The following BRIP1 variants were observed in gnomAD, a reference collection of about 807,000 sequenced individuals.
The protein encoded by BRIP1 is BRCA1 interacting DNA helicase 1.
Under a neutral mutation model 119.7 loss-of-function variants are expected in BRIP1, and 88 were observed. The ratio of observed to expected loss-of-function variants is 0.74; its 90% CI spans 0.62 to 0.88. BRIP1 has a LOEUF of 0.88. Among genes scored for constraint, BRIP1 ranks in the 40% least tolerant of loss-of-function variants. BRIP1 has a pLI of 0.00. For synonymous variants in BRIP1, 443 were observed against 496.5 expected (o/e 0.89, Z 1.43); for missense variants, 1,259 against 1,455.4 (o/e 0.87, Z 2.20).
rs555682366 is a variant in BRIP1 at position 61,799,401 on chromosome 17, G to T, written c.1141-102C>A. The stretch of plus-strand genomic sequence containing the variant: ...AAAATTCACACTATAGGCCAATATT[G>T]CAAATGCAATTACATAAGCAACAGA... On this transcript the variant is annotated intron_variant, in intron 8 of 19. Coordinates refer to ENST00000259008, the MANE Select transcript of BRIP1 (RefSeq NM_032043.3). This position sits in a 1 kb window ranked among gnomAD's most constrained non-coding sequence, Gnocchi z 5.1. 2.6e-4 allele frequency: 224 copies of T among 872,984 alleles called. No individual in the cohort carries two copies. The highest frequency in any genetic ancestry group is 1.9e-4 in the Non-Finnish European group (109 of 574,842). The allele number at this position is 872,984 out of a possible 1,614,324, so 54.1% of individuals were successfully genotyped here.
At position 61,721,318 on chromosome 17, in the gene BRIP1, G is replaced by A. The variant is rs550975610; in HGVS notation, c.2380-5255C>T. On this transcript the variant is annotated intron_variant, in intron 16 of 19. Transcript: ENST00000259008. ...CGGAGTCTTGCTCTGTCACCAGGCCGGAGTGCAGTGGCGCGATCTTGGCTC... is the reference window on the plus strand; with the variant it reads ...CGGAGTCTTGCTCTGTCACCAGGCCAGAGTGCAGTGGCGCGATCTTGGCTC... Among the ~76,000 whole-genome samples the A allele has an allele frequency of 1.5e-4, 21 of 139,118 alleles. No individual in the cohort carries two copies. In the East Asian group the frequency reaches 3.7e-3, roughly 25 times the overall value. 91.3% of individuals were successfully genotyped at this position (139,118 alleles called of 152,430 possible). A position where few individuals can be genotyped will look rare whatever the true frequency, so the allele number is the denominator to read the frequency against.
intron 4 of BRIP1, among the ~76,000 whole-genome samples, chr17:61,850,257 C>A (rs2078798470): frequency 1.3e-5 from 2 of 151,974 alleles, no homozygotes; most frequent in Admixed American, 6.6e-5. Context: ...CATGTGCCAC[C>A]ACGCCTGGCT....
rs2061572359 is a variant in BRIP1, at chr17:61,699,113, T to C, written c.2493-5601A>G. Among the ~76,000 whole-genome samples, 1 of 152,200 alleles carries C rather than the reference T, an allele frequency of 6.6e-6. No individual in the cohort carries two copies. The highest frequency in any genetic ancestry group is 2.4e-5 in the African/African-American group (1 of 41,466). On this transcript the variant is annotated intron_variant, in intron 17 of 19. Coordinates refer to ENST00000259008, the MANE Select transcript of BRIP1 (RefSeq NM_032043.3). The surrounding 1 kb of genome is among the most constrained non-coding windows in gnomAD (Gnocchi z 4.8). ...AAACCAGCTCTCTTTTGTTTACTAT[T>C]TGCATGGTATGTCTTTTCCCATCAT... is the stretch of plus-strand genomic sequence containing the variant.
Position 61,832,759 on chromosome 17 carries a change from C to T in BRIP1, c.627+14342G>A, listed in dbSNP as rs552169817. ...CTGGATTCTTTTGCTTTTATAAAAG[C>T]GTTATTAAGACAACTGCTAAAATTT... is the stretch of plus-strand genomic sequence containing the variant. On this transcript the variant is annotated intron_variant, in intron 6 of 19. Coordinates refer to ENST00000259008, the MANE Select transcript of BRIP1 (RefSeq NM_032043.3). The surrounding 1 kb of genome is among the most constrained non-coding windows in gnomAD (Gnocchi z 5.5). 6.6e-6 allele frequency among the ~76,000 whole-genome samples: 1 copy of T among 152,170 alleles called. No individual in the cohort carries two copies. Among genetic ancestry groups the T allele is most frequent in the East Asian group, 1.9e-4 (1 of 5,180 alleles).
chr17:61,684,097 A>C lies in BRIP1; in HGVS notation c.2949T>G (p.Ile983Met), dbSNP rs746715917. 1 of 1,613,580 alleles carries C rather than the reference A, an allele frequency of 6.2e-7. No homozygotes were observed. Among genetic ancestry groups the C allele is most frequent in the Non-Finnish European group, 8.5e-7 (1 of 1,179,844 alleles). The change falls in exon 20 of 20, where the codon ATT (isoleucine) becomes ATG (methionine). Residue 983 changes from isoleucine to methionine, a missense_variant. Coordinates refer to ENST00000259008, the MANE Select transcript of BRIP1 (RefSeq NM_032043.3). The surrounding 1 kb of genome is among the most constrained non-coding windows in gnomAD (Gnocchi z 4.5). ...FLEEAGKAEK[I>M]VISRSTSPTF... Reference sequence around the variant, plus strand: ...TTGGGCTTGTGGATCTGGAAATCACAATTTTTTCTGCTTTCCCTGCTTCTT... The same window carrying C: ...TTGGGCTTGTGGATCTGGAAATCACCATTTTTTCTGCTTTCCCTGCTTCTT...
At chr17:61,707,031 A>AT (rs202244837) in intron 17 of BRIP1, among the ~76,000 whole-genome samples, 28 of 148,676 alleles carry the variant, frequency 1.9e-4, no homozygotes, top group East Asian at 3.9e-4. Flanking sequence ...TCCTTTTTAA[A>AT]TTTTTTTTTT....
chr17:61,851,633 C>A lies in BRIP1; in HGVS notation c.380-2377G>T, dbSNP rs2078823882. On this transcript the variant is annotated intron_variant, in intron 4 of 19. Transcript: ENST00000259008. This position sits in a 1 kb window ranked among gnomAD's most constrained non-coding sequence, Gnocchi z 4.6. ...TTATATGAGTCTATCACTGTGCTAA[C>A]CTCAGTCTGTCTTAATTACTCTATA... Among the ~76,000 whole-genome samples, 1 of 152,138 alleles carries A rather than the reference C, an allele frequency of 6.6e-6. No individual in the cohort carries two copies.
chr17:61,819,411 G>A (rs543238316), intron 6 of BRIP1, among the ~76,000 whole-genome samples: 17 of 152,192 alleles, frequency 1.1e-4, no homozygotes, highest in Non-Finnish European at 2.4e-4. Context: ...TCAGTATATC[G>A]AGGAGATATC....
chr17:61,808,646 A>G lies in BRIP1; in HGVS notation c.739T>C (p.Tyr247His). 1 of 1,613,946 alleles carries G rather than the reference A, an allele frequency of 6.2e-7. No individual in the cohort carries two copies. Among genetic ancestry groups the G allele is most frequent in the South Asian group, 1.1e-5 (1 of 91,082 alleles). Reference protein sequence around the residue: ...HTGKSKIPKIYFGTRTHKQIA... With the variant: ...HTGKSKIPKIHFGTRTHKQIA... ...TGCTTGTGTGTGCGTGTCCCAAAAT[A>G]TATTTTGGGTATCTTGGATTTCCCT... The change falls in exon 7 of 20, where the codon TAT becomes CAT. Residue 247 changes from tyrosine (Y) to histidine (H), a missense_variant. Tyr to His is a moderately conservative substitution (Grantham distance 83). This residue lies in a region of BRIP1 where 501 missense variants were observed against 544.0 expected (regional missense o/e 0.92). Coordinates refer to ENST00000259008, the MANE Select transcript of BRIP1 (RefSeq NM_032043.3). This position sits in a 1 kb window ranked among gnomAD's most constrained non-coding sequence, Gnocchi z 4.1.
At position 61,815,712 on chromosome 17, in the gene BRIP1, T is replaced by C. The variant is rs994430275; in HGVS notation, c.628-6955A>G. 6.6e-6 allele frequency among the ~76,000 whole-genome samples: 1 copy of C among 152,186 alleles called. No individual in the cohort carries two copies. The highest frequency in any genetic ancestry group is 1.5e-5 in the Non-Finnish European group (1 of 68,018). On this transcript the variant is annotated intron_variant, in intron 6 of 19. Coordinates refer to ENST00000259008, the MANE Select transcript of BRIP1 (RefSeq NM_032043.3). The surrounding 1 kb of genome is among the most constrained non-coding windows in gnomAD (Gnocchi z 4.1). Reference sequence around the variant, plus strand: ...GTTGAAATTCATAACCTTAAATCTTTAAAGTGAAGCTTTAACAGGATTGTT... The same window carrying C: ...GTTGAAATTCATAACCTTAAATCTTCAAAGTGAAGCTTTAACAGGATTGTT...
chr17:61,751,832 G>A lies in BRIP1; in HGVS notation c.2098-7241C>T, dbSNP rs923966785. On this transcript the variant is annotated intron_variant, in intron 14 of 19. Coordinates refer to ENST00000259008, the MANE Select transcript of BRIP1 (RefSeq NM_032043.3). The surrounding 1 kb of genome is among the most constrained non-coding windows in gnomAD (Gnocchi z 6.7). ...CACCCAGGCTGGAGTACAGTGGTGC[G>A]ATCTCGGCTCACTGAAATCTCCGCC... Among the ~76,000 whole-genome samples, 3 of 151,850 alleles carry A rather than the reference G, an allele frequency of 2.0e-5. No individual in the cohort carries two copies. The highest frequency in any genetic ancestry group is 6.6e-5 in the Admixed American group (1 of 15,246).
rs2078851408 is a variant in BRIP1 at position 61,853,446 on chromosome 17, A to C, written c.379+3612T>G. 6.6e-6 allele frequency among the ~76,000 whole-genome samples: 1 copy of C among 152,086 alleles called. No individual in the cohort carries two copies. The highest frequency in any genetic ancestry group is 2.1e-4 in the South Asian group (1 of 4,830). On this transcript the variant is annotated intron_variant, in intron 4 of 19. Coordinates refer to ENST00000259008, the MANE Select transcript of BRIP1 (RefSeq NM_032043.3). This position sits in a 1 kb window ranked among gnomAD's most constrained non-coding sequence, Gnocchi z 4.3. ...TGAAAATTCATCAAGTTATATACTT[A>C]GGATTTGCATTTTTCTATATTTAGG...
chr17:61,846,669 G>A lies in BRIP1; in HGVS notation c.627+432C>T, dbSNP rs890507242. Reference sequence around the variant, plus strand: ...CCCAAAGTGCTGGGATTACAGGCGTGAGCCACCACGCCTGGCCTACAACAT... The same window carrying A: ...CCCAAAGTGCTGGGATTACAGGCGTAAGCCACCACGCCTGGCCTACAACAT... On this transcript the variant is annotated intron_variant, in intron 6 of 19. Coordinates refer to ENST00000259008, the MANE Select transcript of BRIP1 (RefSeq NM_032043.3). The surrounding 1 kb of genome is among the most constrained non-coding windows in gnomAD (Gnocchi z 4.3). Among the ~76,000 whole-genome samples the A allele has an allele frequency of 8.1e-6, 1 of 123,974 alleles. No homozygotes were observed. Among genetic ancestry groups the A allele is most frequent in the Non-Finnish European group, 1.5e-5 (1 of 67,814 alleles). 81.3% of individuals were successfully genotyped at this position (123,974 alleles called of 152,430 possible). A position where few individuals can be genotyped will look rare whatever the true frequency, so the allele number is the denominator to read the frequency against.
At position 61,806,141 on chromosome 17, in the gene BRIP1, A is replaced by T. The variant is rs2078070188; in HGVS notation, c.918+2326T>A. Reference sequence around the variant, plus strand: ...CCCTCTGCAGGCTGACAGCAAAACCAGAAAAGCTCATCCATTTTAGCAGTG... The same window carrying T: ...CCCTCTGCAGGCTGACAGCAAAACCTGAAAAGCTCATCCATTTTAGCAGTG... On this transcript the variant is annotated intron_variant, in intron 7 of 19. Transcript: ENST00000259008. This position sits in a 1 kb window ranked among gnomAD's most constrained non-coding sequence, Gnocchi z 4.9. Among the ~76,000 whole-genome samples, 1 of 152,244 alleles carries T rather than the reference A, an allele frequency of 6.6e-6. No individual in the cohort carries two copies. Among genetic ancestry groups the T allele is most frequent in the Non-Finnish European group, 1.5e-5 (1 of 68,046 alleles).
In BRIP1 at chr17:61,853,226, T is replaced by C. The variant is rs1193876840; in HGVS notation, c.379+3832A>G. On this transcript the variant is annotated intron_variant, in intron 4 of 19. Coordinates refer to ENST00000259008, the MANE Select transcript of BRIP1 (RefSeq NM_032043.3). This position sits in a 1 kb window ranked among gnomAD's most constrained non-coding sequence, Gnocchi z 4.3. ...GAAGACAGACACAAGATTACATATATAATTCCATTTTTTTTTTTTGAGATG... is the reference window on the plus strand; with the variant it reads ...GAAGACAGACACAAGATTACATATACAATTCCATTTTTTTTTTTTGAGATG... Among the ~76,000 whole-genome samples, 1 of 148,106 alleles carries C rather than the reference T, an allele frequency of 6.8e-6. No homozygotes were observed. The highest frequency in any genetic ancestry group is 2.4e-5 in the African/African-American group (1 of 41,100).
Position 61,700,863 on chromosome 17 carries a change from G to A in BRIP1, c.2493-7351C>T, listed in dbSNP as rs935733759. Among the ~76,000 whole-genome samples the A allele has an allele frequency of 1.3e-5, 2 of 152,028 alleles. No individual in the cohort carries two copies. The highest frequency in any genetic ancestry group is 1.3e-4 in the Admixed American group (2 of 15,246). On this transcript the variant is annotated intron_variant, in intron 17 of 19. Coordinates refer to ENST00000259008, the MANE Select transcript of BRIP1 (RefSeq NM_032043.3). This position sits in a 1 kb window ranked among gnomAD's most constrained non-coding sequence, Gnocchi z 4.1. ...TCATTCTTTTTCTTTCTGTTCTTCAGAGTAAATAATCTCAATTGATGTTTA... is the reference window on the plus strand; with the variant it reads ...TCATTCTTTTTCTTTCTGTTCTTCAAAGTAAATAATCTCAATTGATGTTTA...
intron 6 of BRIP1, among the ~76,000 whole-genome samples, chr17:61,837,735 C>T (rs980481775): frequency 6.6e-6 from 1 of 151,932 alleles, no homozygotes; most frequent in Non-Finnish European, 1.5e-5. Context: ...ATATTTTGAC[C>T]ATGTGGAGAC....
rs187573179 is a variant in BRIP1, at chr17:61,798,207, T to C, written c.1340+893A>G. Among the ~76,000 whole-genome samples the C allele has an allele frequency of 3.1e-3, 466 of 150,968 alleles. 3 individuals are homozygous for C. Among genetic ancestry groups the C allele is most frequent in the African/African-American group, 0.011 (450 of 41,262 alleles). The stretch of plus-strand genomic sequence containing the variant: ...ATCTAATGGAATTCTAGATATCTAT[T>C]TTTTTTTTAAACTGAGAAAGCTTTC... On this transcript the variant is annotated intron_variant, in intron 9 of 19. Coordinates refer to ENST00000259008, the MANE Select transcript of BRIP1 (RefSeq NM_032043.3). This position sits in a 1 kb window ranked among gnomAD's most constrained non-coding sequence, Gnocchi z 5.5.
chr17:61,799,086 A>G lies in BRIP1; in HGVS notation c.1340+14T>C, dbSNP rs1057522789. The G allele has an allele frequency of 3.1e-6, 5 of 1,604,198 alleles. No individual in the cohort carries two copies. The highest frequency in any genetic ancestry group is 3.4e-6 in the Non-Finnish European group (4 of 1,171,190). On this transcript the variant is annotated intron_variant, in intron 9 of 19. Transcript: ENST00000259008. This position sits in a 1 kb window ranked among gnomAD's most constrained non-coding sequence, Gnocchi z 5.1. Reference sequence around the variant, plus strand: ...AAAGGCAGCACAAATACACTAATAGACAAATCTTCTTACTTAATGAGGCTA... The same window carrying G: ...AAAGGCAGCACAAATACACTAATAGGCAAATCTTCTTACTTAATGAGGCTA...
Sources: allele counts gnomAD v4.1 joint callset (sites outside exome capture counted in the v4.1 genomes callset), GRCh38; gene constraint gnomAD v4.1.1; regional missense constraint gnomAD v4.1.1; non-coding constraint Gnocchi (gnomAD v3.1); transcripts MANE v1.5; gene names NCBI Gene and HGNC (gene_info 2026-07-23, HGNC 2026-07-21).